SUCLG2: variants seen among roughly 807,000 people sequenced by gnomAD.
SUCLG2 encodes the protein succinate--CoA ligase [GDP-forming] subunit beta, mitochondrial.
In SUCLG2, 42 loss-of-function variants were observed where a neutral mutation model predicts 47.9. The ratio of observed to expected loss-of-function variants is 0.88; its 90% CI spans 0.69 to 1.14. The LOEUF (loss-of-function observed/expected upper bound fraction) is 1.14. Among genes scored for constraint, SUCLG2 ranks in the 50% most tolerant of loss-of-function variants. The pLI, the probability that SUCLG2 is intolerant of heterozygous loss-of-function variation, is 0.00. For missense variants in SUCLG2, 571 were observed against 525.9 expected (o/e 1.09, Z -0.84); for synonymous variants, 195 against 197.3 (o/e 0.99, Z 0.10).
At chr3:67,440,682 C>T (rs7614213) in intron 9 of SUCLG2, among the ~76,000 whole-genome samples, 69,536 of 151,688 alleles carry the variant, frequency 0.46, 16,564 homozygotes, top group Non-Finnish European at 0.54. Context: ...AGTGAAATAC[C>T]ATCTAATGCC....
In SUCLG2 at chr3:67,395,410, C is replaced by T. The variant is rs187784146; in HGVS notation, c.1183+5321G>A. 4.2e-3 allele frequency among the ~76,000 whole-genome samples: 635 copies of T among 152,220 alleles called. 4 individuals carry two copies. Among genetic ancestry groups the T allele is most frequent in the African/African-American group, 0.014 (574 of 41,524 alleles). ...AAAACAGACTTTAAACCAACAAAGA[C>T]CAAAACAGACAAAGAAGGCCATTAC... is the stretch of plus-strand genomic sequence containing the variant. On this transcript the variant is annotated intron_variant, in intron 10 of 10. Transcript: ENST00000307227.
At chr3:67,525,472 G>T (rs903077825) in intron 4 of SUCLG2, among the ~76,000 whole-genome samples, 1 of 151,868 alleles carries the variant, frequency 6.6e-6, no homozygotes, top group African/African-American at 2.4e-5. Context: ...CAGACCCAAA[G>T]AAATATGCCC....
intron 4 of SUCLG2, among the ~76,000 whole-genome samples, chr3:67,522,027 CATTT>C (rs4021918): frequency 8.6e-5 from 13 of 151,084 alleles, no homozygotes; most frequent in East Asian, 1.9e-4. Context: ...CATGTTCCTG[CATTT>C]ATTTATTTAT....
At chr3:67,586,238 C>G (rs1708016779) in intron 2 of SUCLG2, among the ~76,000 whole-genome samples, 1 of 152,178 alleles carries the variant, frequency 6.6e-6, no homozygotes, top group African/African-American at 2.4e-5. Flanking sequence ...GAGGCTCCTT[C>G]TTTACTACAG....
At chr3:67,628,565 T>C (rs985171503) in intron 1 of SUCLG2, among the ~76,000 whole-genome samples, 1 of 152,192 alleles carries the variant, frequency 6.6e-6, no homozygotes, top group East Asian at 1.9e-4. Flanking sequence ...AAATCTCACC[T>C]AGAACTGTAG....
At chr3:67,624,201 C>T (rs1700783547) in intron 1 of SUCLG2, among the ~76,000 whole-genome samples, 2 of 152,176 alleles carry the variant, frequency 1.3e-5, no homozygotes, top group South Asian at 2.1e-4. Flanking sequence ...TTTTGAGTGA[C>T]CTAGCTAACT....
At chr3:67,643,956 C>T (rs1425330555) in intron 1 of SUCLG2, among the ~76,000 whole-genome samples, 4 of 152,212 alleles carry the variant, frequency 2.6e-5, no homozygotes, top group African/African-American at 4.8e-5. Context: ...GGATTACAGG[C>T]GTGAGCCACC....
At chr3:67,605,955 G>C (rs76416634) in intron 2 of SUCLG2, among the ~76,000 whole-genome samples, 1,874 of 152,162 alleles carry the variant, frequency 0.012, 49 homozygotes, top group African/African-American at 0.042. Context: ...GCTCTCGGTT[G>C]TAATCTCAGC....
At chr3:67,555,054 G>T (rs1330029015) in intron 2 of SUCLG2, among the ~76,000 whole-genome samples, 1 of 152,074 alleles carries the variant, frequency 6.6e-6, no homozygotes, top group Admixed American at 6.5e-5. Context: ...GAGAGCACGG[G>T]GGTTGTGGGC....
chr3:67,473,616 T>G (rs1704660467), intron 9 of SUCLG2, among the ~76,000 whole-genome samples: 1 of 152,170 alleles, frequency 6.6e-6, no homozygotes. Context: ...ATTGCACACT[T>G]CATTTTAGAG....
At chr3:67,455,771 A>G (rs147345582) in intron 9 of SUCLG2, among the ~76,000 whole-genome samples, 1 of 152,252 alleles carries the variant, frequency 6.6e-6, no homozygotes, top group East Asian at 1.9e-4. Context: ...AGATTTTCAA[A>G]TATGGGTATC....
At chr3:67,531,390 C>T (rs1009142988) in intron 2 of SUCLG2, among the ~76,000 whole-genome samples, 7 of 152,202 alleles carry the variant, frequency 4.6e-5, no homozygotes, top group African/African-American at 1.4e-4. Context: ...AGCAGCAAAA[C>T]TTGAAAGCCA....
chr3:67,422,169 G>C (rs572803459), intron 9 of SUCLG2, among the ~76,000 whole-genome samples: 1 of 151,944 alleles, frequency 6.6e-6, no homozygotes, highest in Non-Finnish European at 1.5e-5. Flanking sequence ...GTATGACAGG[G>C]AAGTTTAAAA....
chr3:67,397,330 G>A (rs531704083), intron 10 of SUCLG2, among the ~76,000 whole-genome samples: 6 of 151,650 alleles, frequency 4.0e-5, no homozygotes, highest in Admixed American at 1.3e-4. Context: ...CAAAGTCTCA[G>A]GATACAAAAT....
chr3:67,519,893 G>C (rs1706048005), intron 5 of SUCLG2, among the ~76,000 whole-genome samples: 1 of 152,096 alleles, frequency 6.6e-6, no homozygotes, highest in Non-Finnish European at 1.5e-5. Flanking sequence ...ATGAGGTTTG[G>C]AGACTTTGAG....
At chr3:67,404,335 G>A (rs1702754690) in intron 9 of SUCLG2, among the ~76,000 whole-genome samples, 2 of 149,344 alleles carry the variant, frequency 1.3e-5, no homozygotes, top group African/African-American at 4.9e-5. Flanking sequence ...AGAGAGCATG[G>A]GAGAGAGAGA....
At chr3:67,468,003 A>C (rs1442114475) in intron 9 of SUCLG2, among the ~76,000 whole-genome samples, 1 of 152,206 alleles carries the variant, frequency 6.6e-6, no homozygotes, top group Non-Finnish European at 1.5e-5. Flanking sequence ...GCCATAATAC[A>C]GATGCCCAAA....
chr3:67,635,973 G>C (rs1701002841), intron 1 of SUCLG2, among the ~76,000 whole-genome samples: 1 of 152,170 alleles, frequency 6.6e-6, no homozygotes, highest in South Asian at 2.1e-4. Flanking sequence ...TCTGTTAAGA[G>C]CTTACATGGT....
At chr3:67,388,524 T>C (rs1702307731) in intron 10 of SUCLG2, among the ~76,000 whole-genome samples, 1 of 152,236 alleles carries the variant, frequency 6.6e-6, no homozygotes, top group Non-Finnish European at 1.5e-5. Context: ...CAACATTGTA[T>C]TGACCATGCC....
Sources: allele counts gnomAD v4.1 joint callset (sites outside exome capture counted in the v4.1 genomes callset), GRCh38; gene constraint gnomAD v4.1.1; transcripts MANE v1.5; gene names NCBI Gene and HGNC (gene_info 2026-07-23, HGNC 2026-07-21).